Variants in ANK2 observed in about 807,000 individuals in gnomAD.
ANK2 encodes the protein ankyrin 2, also known as ankyrin-2.
In ANK2, 83 loss-of-function variants were observed where a neutral mutation model predicts 360.5. The observed-to-expected ratio is 0.23, with a 90% CI of 0.19 to 0.28. The LOEUF is 0.28. ANK2 is among the 10% of genes least tolerant of loss of function. The probability of loss-of-function intolerance (pLI) is 1.00; values close to 1 mark genes in which losing one functional copy is unlikely to be tolerated. For missense variants in ANK2, 4,201 were observed against 4,795.7 expected (o/e 0.88, Z 3.66); for synonymous variants, 1,740 against 1,759.5 (o/e 0.99, Z 0.28).
chr4:113,128,691 G>A (rs1257343860), intron 1 of ANK2, among the ~76,000 whole-genome samples: 1 of 152,036 alleles, frequency 6.6e-6, no homozygotes, highest in Non-Finnish European at 1.5e-5. Context: ...GGGTTTCACC[G>A]TATTGGCCAG....
At chr4:113,072,742 A>ATTTTTTTTTTTTTTTTTT (rs34098456) in intron 1 of ANK2, among the ~76,000 whole-genome samples, 5 of 74,216 alleles carry the variant, frequency 6.7e-5, no homozygotes, top group East Asian at 3.8e-4. Context: ...ACTTGGCATA[A>ATTTTTTTTTTTTTTTTTT]TTTTTTTTTT....
intron 1 of ANK2, among the ~76,000 whole-genome samples, chr4:113,156,303 GAA>G (rs2097286981): frequency 6.1e-5 from 1 of 16,418 alleles, no homozygotes; most frequent in South Asian, 9.1e-4. Context: ...AAGTAAAACA[GAA>G]TATTATTATT....
At chr4:112,826,874 T>G in intron 1 of ANK2, 1 of 1,492,600 alleles carries the variant, frequency 6.7e-7, no homozygotes, top group East Asian at 2.3e-5. Flanking sequence ...ACATCAATGA[T>G]GTGACTTCTA....
intron 1 of ANK2, among the ~76,000 whole-genome samples, chr4:112,819,597 C>G (rs958181589): frequency 6.6e-6 from 1 of 152,106 alleles, no homozygotes; most frequent in Non-Finnish European, 1.5e-5. Flanking sequence ...CATGCCCCAC[C>G]CAGTGTTGTG....
chr4:112,829,295 G>C (rs1282472374), intron 1 of ANK2, among the ~76,000 whole-genome samples: 3 of 151,996 alleles, frequency 2.0e-5, no homozygotes, highest in Admixed American at 2.0e-4. Flanking sequence ...TACTGTATTA[G>C]AGTCTATTTC....
intron 45 of ANK2, among the ~76,000 whole-genome samples, chr4:113,380,387 G>A (rs2097129216): frequency 6.6e-6 from 1 of 152,200 alleles, no homozygotes; most frequent in Admixed American, 6.5e-5. Flanking sequence ...CTGGCCCAAT[G>A]TGGTGGCTCA....
At chr4:112,851,333 C>G (rs143941399) in intron 1 of ANK2, among the ~76,000 whole-genome samples, 1 of 152,184 alleles carries the variant, frequency 6.6e-6, no homozygotes, top group South Asian at 2.1e-4. Flanking sequence ...GTTCCCCAGT[C>G]AACCTCACGT....
chr4:112,791,502 T>C, the ANK2 span, among the ~76,000 whole-genome samples: 1 of 92,636 alleles, frequency 1.1e-5, no homozygotes, highest in Admixed American at 1.2e-4. Context: ...TTTTTTTTTT[T>C]TCTTGAGACA....
chr4:113,219,292 T>G (rs545029511), intron 4 of ANK2, among the ~76,000 whole-genome samples: 1 of 152,182 alleles, frequency 6.6e-6, no homozygotes, highest in African/African-American at 2.4e-5. Flanking sequence ...CACTAAAATT[T>G]CTTCTCTGAC....
At chr4:112,932,512 A>T (rs1431691519) in intron 2 of ANK2, among the ~76,000 whole-genome samples, 1 of 151,144 alleles carries the variant, frequency 6.6e-6, no homozygotes, top group Admixed American at 6.6e-5. Flanking sequence ...AAAAAAAAAA[A>T]GATACATTTG....
At chr4:113,302,955 G>A in intron 23 of ANK2, 116 bp downstream of exon 23, 1 of 969,210 alleles carries the variant, frequency 1.0e-6, no homozygotes, top group Non-Finnish European at 1.6e-6. Flanking sequence ...AACATTTAAA[G>A]TCACTTTTTC....
chr4:113,095,800 T>A (rs1023640848), intron 1 of ANK2, among the ~76,000 whole-genome samples: 1 of 152,242 alleles, frequency 6.6e-6, no homozygotes, highest in African/African-American at 2.4e-5. Context: ...GCTCATATTA[T>A]GTCTTCCTAC....
intron 1 of ANK2, among the ~76,000 whole-genome samples, chr4:112,850,221 C>A (rs2064345400): frequency 6.6e-6 from 1 of 151,528 alleles, no homozygotes; most frequent in Admixed American, 6.6e-5. Flanking sequence ...ACTCTATAAT[C>A]ATGTGAACCA....
rs146685580 is a variant in ANK2, at chr4:112,910,939, C to A, written c.21+6425C>A. Among the ~76,000 whole-genome samples, 991 of 144,410 alleles carry A rather than the reference C, an allele frequency of 6.9e-3. 9 individuals are homozygous for A. Among genetic ancestry groups the A allele is most frequent in the Admixed American group, 0.017 (253 of 14,548 alleles). 94.7% of individuals were successfully genotyped at this position (144,410 alleles called of 152,430 possible). A position where few individuals can be genotyped will look rare whatever the true frequency, so the allele number is the denominator to read the frequency against. On this transcript the variant is annotated intron_variant, in intron 2 of 30. Transcript: ENST00000503271. ...AACCATTTGGTTTATAATTTGAAGA[C>A]TTTTGTTTATTATTTGCCTTTTTTT...
At chr4:113,371,430 A>G (rs6533679) in intron 43 of ANK2, among the ~76,000 whole-genome samples, 40,693 of 152,130 alleles carry the variant, frequency 0.27, 7,932 homozygotes, top group African/African-American at 0.55. Context: ...CATGTTATCT[A>G]GGCTAAAAGT....
At chr4:112,911,462 G>T (rs1411704108) in intron 2 of ANK2, among the ~76,000 whole-genome samples, 1 of 151,958 alleles carries the variant, frequency 6.6e-6, no homozygotes, top group Non-Finnish European at 1.5e-5. Flanking sequence ...GGCGGAGCGT[G>T]CAGTGAGCGG....
At chr4:112,940,379 T>C (rs1424381646) in intron 2 of ANK2, among the ~76,000 whole-genome samples, 1 of 152,158 alleles carries the variant, frequency 6.6e-6, no homozygotes, top group East Asian at 1.9e-4. Context: ...CCTAATTAAC[T>C]TAGAACATTT....
chr4:112,898,303 A>T (rs569987082), intron 1 of ANK2, among the ~76,000 whole-genome samples: 1 of 152,258 alleles, frequency 6.6e-6, no homozygotes, highest in Non-Finnish European at 1.5e-5. Context: ...TAGGATACCA[A>T]ATTTATATAG....
At chr4:112,984,940 C>T (rs2044351805) in intron 2 of ANK2, among the ~76,000 whole-genome samples, 1 of 152,140 alleles carries the variant, frequency 6.6e-6, no homozygotes, top group Non-Finnish European at 1.5e-5. Flanking sequence ...AGTTCCCCTC[C>T]ACCTGGTTCA....
Sources: gnomAD v4.1 joint callset for allele counts (sites outside exome capture counted in the v4.1 genomes callset) on GRCh38, gnomAD v4.1.1 for gene constraint, MANE v1.5 for transcripts, NCBI Gene and HGNC (gene_info 2026-07-23, HGNC 2026-07-21) for gene names.